The following ZBTB8A variants were observed in gnomAD, a reference collection of about 807,000 sequenced individuals.
ZBTB8A encodes the protein zinc finger and BTB domain-containing protein 8A.
ZBTB8A carries 19 observed loss-of-function variants against 37.8 expected under a neutral mutation model. The observed-to-expected ratio is 0.50, with a 90% CI of 0.35 to 0.74. The LOEUF (loss-of-function observed/expected upper bound fraction) is 0.74, where lower values mean the gene tolerates loss of function less well. Ranked by LOEUF, ZBTB8A falls within the 30% of genes least tolerant of loss-of-function variation. The probability of loss-of-function intolerance (pLI) is 0.01; values close to 1 mark genes in which losing one functional copy is unlikely to be tolerated. For missense variants in ZBTB8A, 394 were observed against 537.8 expected (o/e 0.73, Z 2.65); for synonymous variants, 181 against 185.2 (o/e 0.98, Z 0.19).
chr1:32,562,145 G>A (rs1290585894), intron 2 of ZBTB8A, among the ~76,000 whole-genome samples: 8 of 145,794 alleles, frequency 5.5e-5, no homozygotes, highest in Admixed American at 2.7e-4. Flanking sequence ...TTGTAGAAAC[G>A]GGGTCTCACT....
chr1:32,558,241 A>C (rs1644217843), intron 2 of ZBTB8A, among the ~76,000 whole-genome samples: 1 of 152,136 alleles, frequency 6.6e-6, no homozygotes, highest in Non-Finnish European at 1.5e-5. Context: ...TCTGAAAATC[A>C]AACCTTAAAC....
intron 2 of ZBTB8A, among the ~76,000 whole-genome samples, chr1:32,584,542 G>A (rs113780469): frequency 0.14 from 16,439 of 116,806 alleles, 1,087 homozygotes; most frequent in African/African-American, 0.23. Context: ...GATAGAGTCT[G>A]TCATTGTTGC....
At chr1:32,549,492 C>CA (rs796747835) in intron 1 of ZBTB8A, among the ~76,000 whole-genome samples, 130 of 110,196 alleles carry the variant, frequency 1.2e-3, no homozygotes, top group South Asian at 4.9e-3. Context: ...AACTCCGTCT[C>CA]AAAAAAAAAA....
At chr1:32,579,465 GAAA>G (rs1266392660) in intron 2 of ZBTB8A, among the ~76,000 whole-genome samples, 1 of 147,976 alleles carries the variant, frequency 6.8e-6, no homozygotes, top group Non-Finnish European at 1.5e-5. Context: ...AAAAAAAAAA[GAAA>G]AGAAAAAAAA....
chr1:32,595,259 T>G (rs1570371717), intron 4 of ZBTB8A, 36 bp downstream of exon 4: 2 of 1,599,264 alleles, frequency 1.3e-6, no homozygotes, highest in East Asian at 4.5e-5. Flanking sequence ...TTACTAATTC[T>G]TTTTTGGTTT....
At chr1:32,541,458 A>T (rs140458847) in intron 1 of ZBTB8A, among the ~76,000 whole-genome samples, 1 of 152,148 alleles carries the variant, frequency 6.6e-6, no homozygotes, top group Non-Finnish European at 1.5e-5. Flanking sequence ...CCCAAATGCC[A>T]TCTTCTCAAT....
intron 2 of ZBTB8A, among the ~76,000 whole-genome samples, chr1:32,554,667 CT>C (rs994280190): frequency 2.0e-5 from 3 of 151,918 alleles, no homozygotes; most frequent in African/African-American, 7.3e-5. Context: ...TTAGTAGAGA[CT>C]GGGTTTCACC....
chr1:32,560,615 CTTTTTTTTTTTTT>C (rs1170510859), intron 2 of ZBTB8A, among the ~76,000 whole-genome samples: 4 of 90,794 alleles, frequency 4.4e-5, no homozygotes, highest in East Asian at 3.7e-4. Context: ...TCTTTTCTTT[CTTTTTTTTTTTTT>C]TTTTTTTTTT....
chr1:32,551,805 T>G (rs1318155518), intron 1 of ZBTB8A, among the ~76,000 whole-genome samples: 2 of 152,224 alleles, frequency 1.3e-5, no homozygotes, highest in Non-Finnish European at 2.9e-5. Flanking sequence ...ATTCCTGGCT[T>G]CAGGTGACCT....
At chr1:32,552,997 T>C (rs1644169766) in intron 1 of ZBTB8A, among the ~76,000 whole-genome samples, 1 of 150,492 alleles carries the variant, frequency 6.6e-6, no homozygotes, top group African/African-American at 2.4e-5. Context: ...CTATTACTAA[T>C]AATAATTTGT....
At chr1:32,547,981 G>A (rs114362018) in intron 1 of ZBTB8A, among the ~76,000 whole-genome samples, 17,184 of 150,800 alleles carry the variant, frequency 0.11, 1,061 homozygotes, top group African/African-American at 0.18. Flanking sequence ...AAAAATGCAA[G>A]AATTAGCTGG....
At chr1:32,554,967 C>T (rs1180365266) in intron 2 of ZBTB8A, among the ~76,000 whole-genome samples, 1 of 152,182 alleles carries the variant, frequency 6.6e-6, no homozygotes, top group Non-Finnish European at 1.5e-5. Flanking sequence ...ACATGAGTTA[C>T]TTGCCCATGG....
At chr1:32,596,434 T>C (rs918862056) in intron 4 of ZBTB8A, among the ~76,000 whole-genome samples, 11 of 146,484 alleles carry the variant, frequency 7.5e-5, no homozygotes, top group Admixed American at 1.4e-4. Flanking sequence ...ATACAAAAAT[T>C]AGCTGGCATG....
At chr1:32,581,266 TATA>T (rs1210451356) in intron 2 of ZBTB8A, among the ~76,000 whole-genome samples, 131 of 30,100 alleles carry the variant, frequency 4.4e-3, no homozygotes, top group Middle Eastern at 0.014. Flanking sequence ...TATATATTAA[TATA>T]ATAATACAAT....
rs1644586619 is a variant in ZBTB8A at position 32,602,700 on chromosome 1, C to T, written c.*2281C>T. On this transcript the variant is annotated 3_prime_UTR_variant, in exon 5 of 5. Transcript: ENST00000373510. ...CGAGTAGCTGGGACTTACAGGCGCC[C>T]ACCACCACTCCCAGCTAATTTTTTG... is the stretch of plus-strand genomic sequence containing the variant. 6.6e-6 allele frequency: 1 copy of T among 151,848 alleles called. No individual in the cohort carries two copies. Among genetic ancestry groups the T allele is most frequent in the Non-Finnish European group, 1.5e-5 (1 of 68,024 alleles). 9.4% of individuals were successfully genotyped at this position (151,848 alleles called of 1,614,324 possible).
chr1:32,559,055 C>G (rs1214882661), intron 2 of ZBTB8A, among the ~76,000 whole-genome samples: 2 of 152,092 alleles, frequency 1.3e-5, no homozygotes, highest in South Asian at 4.1e-4. Context: ...TGTGTTTACC[C>G]ACTGTTATTT....
intron 4 of ZBTB8A, among the ~76,000 whole-genome samples, chr1:32,599,536 G>A (rs1280625915): frequency 6.6e-6 from 1 of 152,038 alleles, no homozygotes; most frequent in African/African-American, 2.4e-5. Flanking sequence ...GACCAACATG[G>A]TGAAACCCCA....
At chr1:32,552,346 A>G (rs1263230286) in intron 1 of ZBTB8A, among the ~76,000 whole-genome samples, 2 of 152,124 alleles carry the variant, frequency 1.3e-5, no homozygotes, top group African/African-American at 4.8e-5. Flanking sequence ...CCTGAGTGAC[A>G]AAGTGAGACT....
chr1:32,561,661 T>G (rs1557705583), intron 2 of ZBTB8A, among the ~76,000 whole-genome samples: 2 of 152,192 alleles, frequency 1.3e-5, no homozygotes, highest in East Asian at 3.9e-4. Context: ...CCTCCCAAAG[T>G]GCTAGGATTA....
Sources: gnomAD v4.1 joint callset for allele counts (sites outside exome capture counted in the v4.1 genomes callset) on GRCh38, gnomAD v4.1.1 for gene constraint, MANE v1.5 for transcripts, NCBI Gene and HGNC (gene_info 2026-07-23, HGNC 2026-07-21) for gene names.